Variants in CCNJL observed in about 807,000 individuals in gnomAD.
CCNJL encodes cyclin-J-like protein.
Under a neutral mutation model 33.4 loss-of-function variants are expected in CCNJL, and 33 were observed. The observed-to-expected ratio is 0.99, with a 90% CI of 0.75 to 1.32. The LOEUF (loss-of-function observed/expected upper bound fraction) is 1.32, where lower values mean the gene tolerates loss of function less well. Ranked by LOEUF, CCNJL falls within the 40% of genes most tolerant of loss-of-function variation. CCNJL has a pLI of 0.00. For missense variants in CCNJL, 512 were observed against 499.7 expected, an observed-to-expected ratio of 1.02 and a Z score of -0.23; for synonymous variants, 227 against 220.9, an observed-to-expected ratio of 1.03 and a Z score of -0.24.
chr5:160,258,330 A>T, intron 4 of CCNJL: 1 of 764,556 alleles, frequency 1.3e-6, no homozygotes, highest in Admixed American at 1.8e-5. Context: ...ACGCCACAGG[A>T]TTCAATAAAC....
intron 3 of CCNJL, among the ~76,000 whole-genome samples, chr5:160,269,986 T>C (rs934233490): frequency 6.6e-6 from 1 of 152,182 alleles, no homozygotes; most frequent in African/African-American, 2.4e-5. Flanking sequence ...AGGATTAAAT[T>C]AGTAAATCTG....
rs765219491 is a variant in CCNJL at position 160,253,578 on chromosome 5, G to A, written c.964C>T (p.Leu322Phe). ...SLQAHRSGSLLSGSTGSSLHT... is the reference protein window; with the variant it reads ...SLQAHRSGSLFSGSTGSSLHT... The stretch of plus-strand genomic sequence containing the variant: ...AGGGATGAGCCTGTACTCCCCGAGA[G>A]CAGGCTCCCTGAACGGTGGGCCTGC... The change falls in exon 6 of 6, where the codon CTC becomes TTC. Residue 322 changes from leucine (L) to phenylalanine (F), a missense_variant. Physicochemically the swap from Leu to Phe is conservative, Grantham distance 22. Coordinates refer to ENST00000257536, the MANE Select transcript of CCNJL (RefSeq NM_001308173.3). 3 of 1,614,116 alleles carry A rather than the reference G, an allele frequency of 1.9e-6. No homozygotes were observed. Among genetic ancestry groups the A allele is most frequent in the South Asian group, 2.2e-5 (2 of 91,074 alleles).
chr5:160,334,529 T>C (rs1581025076), intron 1 of CCNJL, among the ~76,000 whole-genome samples: 1 of 152,278 alleles, frequency 6.6e-6, no homozygotes, highest in East Asian at 1.9e-4. Flanking sequence ...CCTTATGAGA[T>C]ACTACTATTA....
intron 4 of CCNJL, chr5:160,258,340 C>T (rs2113228465): frequency 1.3e-6 from 1 of 763,808 alleles, no homozygotes; most frequent in Middle Eastern, 3.4e-4. Flanking sequence ...ATTCAATAAA[C>T]TGGGGTTAAT....
Position 160,331,317 on chromosome 5 carries a change from G to A in CCNJL, n.206+8128C>T, listed in dbSNP as rs374384272. ...TGGCTCACTGCAAGCTCTGCCTCCCGGGTTCACACCATTCTCCTGCCTCAG... is the reference window on the plus strand; with the variant it reads ...TGGCTCACTGCAAGCTCTGCCTCCCAGGTTCACACCATTCTCCTGCCTCAG... On this transcript the variant is annotated intron_variant and non_coding_transcript_variant, in intron 1 of 7. Coordinates refer to the CCNJL transcript ENST00000377503. Among the ~76,000 whole-genome samples the A allele has an allele frequency of 5.0e-3, 749 of 149,726 alleles. 10 individuals carry two copies. Among genetic ancestry groups the A allele is most frequent in the African/African-American group, 0.017 (679 of 40,620 alleles).
At chr5:160,261,617 C>G (rs1422798658) in intron 3 of CCNJL, among the ~76,000 whole-genome samples, 2 of 151,444 alleles carry the variant, frequency 1.3e-5, no homozygotes, top group East Asian at 3.9e-4. Context: ...TTTGGCAGCT[C>G]CCCCCATACT....
chr5:160,259,797 G>A (rs1279612103), intron 3 of CCNJL, 26 bp from the exon 4 acceptor site: 2 of 1,573,754 alleles, frequency 1.3e-6, no homozygotes, highest in South Asian at 1.2e-5. Flanking sequence ...GGAAGCAGGG[G>A]TTACTGGAAG....
intron 1 of CCNJL, among the ~76,000 whole-genome samples, chr5:160,321,957 C>T (rs1287438213): frequency 2.6e-5 from 4 of 152,126 alleles, no homozygotes; most frequent in Admixed American, 1.3e-4. Flanking sequence ...TGGTCTTTGG[C>T]CAGGCACATA....
At chr5:160,299,310 C>T (rs1220355851) in intron 2 of CCNJL, among the ~76,000 whole-genome samples, 3 of 151,988 alleles carry the variant, frequency 2.0e-5, no homozygotes, top group East Asian at 1.9e-4. Context: ...CCAACAGGCC[C>T]GGCTAATTTT....
At chr5:160,260,922 G>T (rs1444055710) in intron 3 of CCNJL, among the ~76,000 whole-genome samples, 2 of 152,160 alleles carry the variant, frequency 1.3e-5, no homozygotes, top group African/African-American at 2.4e-5. Flanking sequence ...GCCTTCAAGG[G>T]CCTGGCCTCG....
chr5:160,278,602 G>A (rs181854463), intron 3 of CCNJL, among the ~76,000 whole-genome samples: 140 of 152,268 alleles, frequency 9.2e-4, no homozygotes, highest in African/African-American at 3.2e-3. Context: ...GGGTGGGGGC[G>A]TCTGCCTCTC....
intron 3 of CCNJL, among the ~76,000 whole-genome samples, chr5:160,265,589 C>T (rs992320939): frequency 1.3e-5 from 2 of 151,762 alleles, no homozygotes; most frequent in East Asian, 1.9e-4. Flanking sequence ...GAGCCAAGAC[C>T]ACGCCACTGC....
chr5:160,307,749 G>T (rs966849323), intron 2 of CCNJL, among the ~76,000 whole-genome samples: 1 of 152,160 alleles, frequency 6.6e-6, no homozygotes, highest in Non-Finnish European at 1.5e-5. Flanking sequence ...AAGGTCAGAG[G>T]AGCTGAAGGG....
intron 2 of CCNJL, among the ~76,000 whole-genome samples, chr5:160,284,802 T>C (rs1332480598): frequency 1.3e-5 from 2 of 152,272 alleles, no homozygotes; most frequent in Non-Finnish European, 2.9e-5. Context: ...AAAAAGTCCC[T>C]GAGTCCCTGG....
At chr5:160,266,771 G>GT (rs1164635360) in intron 3 of CCNJL, among the ~76,000 whole-genome samples, 1 of 152,140 alleles carries the variant, frequency 6.6e-6, no homozygotes, top group Admixed American at 6.5e-5. Context: ...TACAGGTTCT[G>GT]AAAAAGGGGC....
intron 1 of CCNJL, among the ~76,000 whole-genome samples, chr5:160,324,627 G>GTCTATCTATCTA (rs60714767): frequency 0.11 from 16,499 of 151,626 alleles, 1,057 homozygotes; most frequent in Middle Eastern, 0.29. Flanking sequence ...AAAACTGTCT[G>GTCTATCTATCTA]TCTATCTATC....
At chr5:160,320,837 CTTTCTTTCT>C (rs1763437538) in intron 1 of CCNJL, among the ~76,000 whole-genome samples, 1 of 111,928 alleles carries the variant, frequency 8.9e-6, no homozygotes, top group Non-Finnish European at 1.9e-5. Flanking sequence ...TTCTTTCTTT[CTTTCTTTCT>C]TTCCTTCTTT....
At position 160,251,805 on chromosome 5, in the gene CCNJL, T is replaced by A. The variant is rs900254206; in HGVS notation, c.*1573A>T. On this transcript the variant is annotated 3_prime_UTR_variant, in exon 6 of 6. Coordinates refer to ENST00000257536, the MANE Select transcript of CCNJL (RefSeq NM_001308173.3). ...GCTTGCACATAAATAGAACGGAGGT[T>A]GGCAAAGGAAAAAAAAACAACAACA... 12 of 152,016 alleles carry A rather than the reference T, an allele frequency of 7.9e-5. No homozygotes were observed. Among genetic ancestry groups the A allele is most frequent in the African/African-American group, 2.9e-4 (12 of 41,432 alleles). The allele number at this position is 152,016 out of a possible 1,614,324, so 9.4% of individuals were successfully genotyped here.
rs184734133 is a variant in CCNJL, at chr5:160,255,258, A to T, written c.743+291T>A. ...AACCCGGGAGGCGGAGGTTGCAGTG[A>T]GCCGAGATCGTGCCATTGCACTCCA... is the stretch of plus-strand genomic sequence containing the variant. On this transcript the variant is annotated intron_variant, in intron 5 of 5. Transcript: ENST00000257536. The T allele has an allele frequency of 7.8e-4, 148 of 190,116 alleles. 3 individuals are homozygous for T. In the East Asian group the frequency reaches 0.017, roughly 21 times the overall value. 11.8% of individuals were successfully genotyped at this position (190,116 alleles called of 1,614,324 possible). A position where few individuals can be genotyped will look rare whatever the true frequency, so the allele number is the denominator to read the frequency against.
Sources: gnomAD v4.1 joint callset for allele counts (sites outside exome capture counted in the v4.1 genomes callset) on GRCh38, gnomAD v4.1.1 for gene constraint, MANE v1.5 for transcripts, NCBI Gene and HGNC (gene_info 2026-07-23, HGNC 2026-07-21) for gene names.